ABCC1: variants seen among roughly 807,000 people sequenced by gnomAD.
ABCC1 encodes ATP binding cassette subfamily C member 1 (ABCC1 blood group).
ABCC1 carries 83 observed loss-of-function variants against 172.9 expected under a neutral mutation model. That is an observed-to-expected ratio of 0.48 (90% CI 0.40 to 0.58). The LOEUF (loss-of-function observed/expected upper bound fraction) is 0.58. Among genes scored for constraint, ABCC1 ranks in the 20% least tolerant of loss-of-function variants. ABCC1 has a pLI of 0.00. For missense variants in ABCC1, 1,817 were observed against 2,002.7 expected (o/e 0.91, Z 1.77); for synonymous variants, 937 against 825.2 (o/e 1.14, Z -2.32).
At chr16:16,141,142 T>C (rs1206255066) in intron 30 of ABCC1, 31 bp from the exon 31 acceptor site, 2 of 1,599,350 alleles carry the variant, frequency 1.3e-6, no homozygotes, top group Admixed American at 3.3e-5. Flanking sequence ...CCCCTCCCCT[T>C]CCCCTCATGT....
intron 1 of ABCC1, among the ~76,000 whole-genome samples, chr16:15,985,947 C>G (rs969906516): frequency 6.6e-6 from 1 of 151,758 alleles, no homozygotes; most frequent in African/African-American, 2.4e-5. Context: ...GTCCCTCCAC[C>G]CCTGCTTGTG....
intron 1 of ABCC1, among the ~76,000 whole-genome samples, chr16:15,987,445 G>A (rs971464345): frequency 6.6e-6 from 1 of 152,146 alleles, no homozygotes; most frequent in Non-Finnish European, 1.5e-5. Context: ...TTCAAACAGG[G>A]CTGCTTAGCT....
At chr16:16,084,801 A>G (rs1336229294) in intron 17 of ABCC1, among the ~76,000 whole-genome samples, 1 of 152,122 alleles carries the variant, frequency 6.6e-6, no homozygotes, top group Non-Finnish European at 1.5e-5. Flanking sequence ...CTGTATTTTT[A>G]GTAGAGATGG....
chr16:16,101,669 A>G (rs2051755796), intron 19 of ABCC1, among the ~76,000 whole-genome samples: 2 of 152,182 alleles, frequency 1.3e-5, no homozygotes, highest in Admixed American at 6.5e-5. Flanking sequence ...TCCTGGCACC[A>G]AAGAATGAGG....
chr16:16,129,486 A>C (rs748952147), intron 26 of ABCC1, among the ~76,000 whole-genome samples: 1 of 152,020 alleles, frequency 6.6e-6, no homozygotes, highest in Non-Finnish European at 1.5e-5. Context: ...TCGTCTCTAC[A>C]AAATAAAAAA....
intron 1 of ABCC1, among the ~76,000 whole-genome samples, chr16:15,984,612 T>A (rs531750159): frequency 2.2e-4 from 34 of 152,146 alleles, no homozygotes; most frequent in African/African-American, 7.7e-4. Flanking sequence ...GCTCAGCTAA[T>A]TTTTGGTATC....
intron 1 of ABCC1, among the ~76,000 whole-genome samples, chr16:16,007,254 G>T (rs919328196): frequency 1.8e-4 from 27 of 151,604 alleles, no homozygotes; most frequent in Non-Finnish European, 3.8e-4. Context: ...GAGAGACAGG[G>T]TCTCGCTCTG....
Position 16,040,596 on chromosome 16 carries a change from T to G in ABCC1, c.810-3854T>G, listed in dbSNP as rs568887255. Among the ~76,000 whole-genome samples the G allele has an allele frequency of 5.9e-5, 9 of 151,808 alleles. No individual in the cohort carries two copies. In the South Asian group the frequency reaches 1.7e-3, roughly 28 times the overall value. On this transcript the variant is annotated intron_variant, in intron 7 of 30. Transcript: ENST00000399410. ...GCCACTGCGCCTGGCCTTTTTAAAT[T>G]TATTTTATTTTATTATTATTATACT... is the stretch of plus-strand genomic sequence containing the variant.
chr16:15,991,114 T>C (rs1030870327), intron 1 of ABCC1, among the ~76,000 whole-genome samples: 5 of 152,118 alleles, frequency 3.3e-5, no homozygotes, highest in Non-Finnish European at 7.4e-5. Context: ...CAGATATCTC[T>C]TCAGGGCCCA....
chr16:16,075,866 G>A (rs190157910), intron 14 of ABCC1, among the ~76,000 whole-genome samples: 2 of 152,258 alleles, frequency 1.3e-5, no homozygotes, highest in East Asian at 3.9e-4. Flanking sequence ...GCACCTCAAG[G>A]AGGGCCCAGC....
chr16:16,055,544 C>T (rs1333530324), intron 11 of ABCC1, among the ~76,000 whole-genome samples: 3 of 132,898 alleles, frequency 2.3e-5, no homozygotes, highest in African/African-American at 9.7e-5. Context: ...AGCGAGACTC[C>T]GTCACAAAAA....
At chr16:16,079,789 TTTA>T (rs998307718) in intron 16 of ABCC1, among the ~76,000 whole-genome samples, 9 of 151,740 alleles carry the variant, frequency 5.9e-5, no homozygotes, top group African/African-American at 1.5e-4. Context: ...AAGCTGTTAT[TTTA>T]TTATTATTAT....
chr16:15,970,034 G>A (rs144105902), intron 1 of ABCC1, among the ~76,000 whole-genome samples: 225 of 152,208 alleles, frequency 1.5e-3, no homozygotes, highest in African/African-American at 5.3e-3. Flanking sequence ...CAATAGCGGG[G>A]TTTCATCTGG....
intron 23 of ABCC1, among the ~76,000 whole-genome samples, chr16:16,120,164 G>C (rs2045087630): frequency 6.6e-6 from 1 of 151,888 alleles, no homozygotes; most frequent in African/African-American, 2.4e-5. Flanking sequence ...GATGCTTTTT[G>C]TTGGACTCTG....
chr16:16,120,812 G>A (rs771783973), intron 23 of ABCC1, among the ~76,000 whole-genome samples: 1 of 152,054 alleles, frequency 6.6e-6, no homozygotes, highest in African/African-American at 2.4e-5. Flanking sequence ...TCGGAGGGGG[G>A]TGACGAGATT....
At chr16:16,015,555 T>C (rs1284025899) in intron 4 of ABCC1, among the ~76,000 whole-genome samples, 1 of 152,198 alleles carries the variant, frequency 6.6e-6, no homozygotes, top group African/African-American at 2.4e-5. Context: ...TGCCTACATA[T>C]TATTATGAGT....
intron 26 of ABCC1, among the ~76,000 whole-genome samples, chr16:16,126,274 C>A (rs1355896304): frequency 6.6e-6 from 1 of 152,190 alleles, no homozygotes; most frequent in Non-Finnish European, 1.5e-5. Context: ...AACACCTTAG[C>A]AATTGAGATG....
At chr16:16,011,316 G>A (rs760615385) in intron 3 of ABCC1, among the ~76,000 whole-genome samples, 1 of 152,094 alleles carries the variant, frequency 6.6e-6, no homozygotes, top group Non-Finnish European at 1.5e-5. Context: ...CCAGGGAGGG[G>A]TGGAAGGTTA....
At chr16:16,083,641 C>G (rs1358582829) in intron 17 of ABCC1, 99 bp downstream of exon 17, 6 of 1,490,678 alleles carry the variant, frequency 4.0e-6, no homozygotes, top group Non-Finnish European at 4.6e-6. Context: ...CTGCTATCAG[C>G]TGACCCGGCA....
Sources: gnomAD v4.1 joint callset for allele counts (sites outside exome capture counted in the v4.1 genomes callset) on GRCh38, gnomAD v4.1.1 for gene constraint, MANE v1.5 for transcripts, NCBI Gene and HGNC (gene_info 2026-07-23, HGNC 2026-07-21) for gene names.